The following SIAH1 variants were observed in gnomAD, a reference collection of about 807,000 sequenced individuals.
SIAH1 encodes siah E3 ubiquitin protein ligase 1.
In SIAH1, 2 loss-of-function variants were observed where a neutral mutation model predicts 20.0. The observed-to-expected ratio is 0.10, with a 90% CI of 0.04 to 0.31. The LOEUF is 0.31. Ranked by LOEUF, SIAH1 falls within the 10% of genes least tolerant of loss-of-function variation. The pLI is 1.00. For synonymous variants in SIAH1, 118 were observed against 125.3 expected (o/e 0.94, Z 0.39); for missense variants, 119 against 355.3 (o/e 0.33, Z 5.35).
chr16:48,370,615 G>C (rs750682197), intron 1 of SIAH1, among the ~76,000 whole-genome samples: 7 of 151,870 alleles, frequency 4.6e-5, no homozygotes, highest in Non-Finnish European at 7.4e-5. Context: ...TCAGGTTATC[G>C]AGACTACAGT....
chr16:48,372,948 G>T (rs933038812), intron 1 of SIAH1, among the ~76,000 whole-genome samples: 1 of 152,038 alleles, frequency 6.6e-6, no homozygotes, highest in Non-Finnish European at 1.5e-5. Context: ...AGAGTTGACG[G>T]ATCACTGGGC....
rs1286350538 is a variant in SIAH1, at chr16:48,360,988, TAAAC to T, written c.*588_*591del. 3 of 152,018 alleles carry T rather than the reference TAAAC, an allele frequency of 2.0e-5. No homozygotes were observed. The highest frequency in any genetic ancestry group is 2.9e-5 in the Non-Finnish European group (2 of 67,984). 9.4% of individuals were successfully genotyped at this position (152,018 alleles called of 1,614,324 possible). A position where few individuals can be genotyped will look rare whatever the true frequency, so the allele number is the denominator to read the frequency against. On this transcript the variant is annotated 3_prime_UTR_variant, in exon 2 of 2. Transcript: ENST00000394725. ...TGAACACGTTATAAATTTTTTACCA[TAAAC>T]AAATATGCATATCAAAAGATACTAA...
intron 1 of SIAH1, among the ~76,000 whole-genome samples, chr16:48,378,986 T>C (rs1961183796): frequency 6.6e-6 from 1 of 152,222 alleles, no homozygotes; most frequent in Non-Finnish European, 1.5e-5. Flanking sequence ...TTTCTTTCTT[T>C]CCTCACTAGA....
At chr16:48,363,897 A>G (rs1312991686) in intron 1 of SIAH1, 1 of 163,138 alleles carries the variant, frequency 6.1e-6, no homozygotes, top group East Asian at 2.0e-4. Flanking sequence ...AGATCAGTCA[A>G]TGTCCTAAGA....
intron 1 of SIAH1, chr16:48,365,275 C>A: frequency 1.8e-6 from 2 of 1,094,098 alleles, no homozygotes; most frequent in Non-Finnish European, 2.6e-6. Flanking sequence ...TGACTGAGAA[C>A]CTCGGAAACG....
At position 48,377,118 on chromosome 16, in the gene SIAH1, A is replaced by G. The variant is rs567869480; in HGVS notation, c.-3+8086T>C. 3.3e-5 allele frequency among the ~76,000 whole-genome samples: 5 copies of G among 152,344 alleles called. No individual in the cohort carries two copies. The East Asian group carries it at 9.6e-4, about 29-fold the overall frequency. ...TTCTACAAAATTCAAGACTGGCATT[A>G]AACTCCTTAAGAAAATATTTCTCAC... On this transcript the variant is annotated intron_variant, in intron 1 of 1. Coordinates refer to ENST00000394725, the MANE Select transcript of SIAH1 (RefSeq NM_003031.4).
At position 48,361,667 on chromosome 16, in the gene SIAH1, G is replaced by A. The variant is rs1334700264; in HGVS notation, c.762C>T (p.Ser254=). 1.2e-6 allele frequency: 2 copies of A among 1,613,146 alleles called. No homozygotes were observed. Among genetic ancestry groups the A allele is most frequent in the Admixed American group, 1.7e-5 (1 of 60,012 alleles). ...HEGIATAIMN[S]DCLVFDTSIA... ...TGCTGGTGTCAAAGACTAGACAGTC[G>A]CTATTCATAATGGCTGTTGCAATTC... is the stretch of plus-strand genomic sequence containing the variant. Residue 254 remains serine, a synonymous_variant, in exon 2 of 2, where the codon AGC becomes AGT. Coordinates refer to ENST00000394725, the MANE Select transcript of SIAH1 (RefSeq NM_003031.4).
At chr16:48,384,501 T>C (rs1417439399) in intron 1 of SIAH1, among the ~76,000 whole-genome samples, 1 of 152,296 alleles carries the variant, frequency 6.6e-6, no homozygotes, top group East Asian at 1.9e-4. Context: ...AGGTTTATAA[T>C]AAGCTAGAGC....
At chr16:48,369,260 T>C (rs374018632) in intron 1 of SIAH1, among the ~76,000 whole-genome samples, 6 of 152,228 alleles carry the variant, frequency 3.9e-5, no homozygotes, top group African/African-American at 1.2e-4. Flanking sequence ...TCTGAAAACT[T>C]TGCAGCTACA....
In SIAH1 at chr16:48,375,915, T is replaced by C. The variant is rs534976493; in HGVS notation, c.-3+9289A>G. On this transcript the variant is annotated intron_variant, in intron 1 of 1. Coordinates refer to ENST00000394725, the MANE Select transcript of SIAH1 (RefSeq NM_003031.4). ...CCTGGAATTAGAAACCAGAGAGAGA[T>C]GGGACCACTGAACTACAGGCACACA... Among the ~76,000 whole-genome samples the C allele has an allele frequency of 1.4e-3, 219 of 152,270 alleles. 2 individuals carry two copies. Among genetic ancestry groups the C allele is most frequent in the African/African-American group, 5.1e-3 (210 of 41,542 alleles).
chr16:48,375,701 T>C (rs1156713540), intron 1 of SIAH1, among the ~76,000 whole-genome samples: 1 of 152,104 alleles, frequency 6.6e-6, no homozygotes, highest in East Asian at 1.9e-4. Flanking sequence ...ATATACAGAT[T>C]ACAATTTCAT....
intron 1 of SIAH1, among the ~76,000 whole-genome samples, chr16:48,383,166 T>C (rs892324472): frequency 2.0e-5 from 3 of 152,222 alleles, no homozygotes; most frequent in Admixed American, 6.5e-5. Flanking sequence ...ACATCTATTA[T>C]ACGTATTTCA....
At position 48,385,397 on chromosome 16, in the gene SIAH1, CCG is replaced by C. The variant is rs1961431899; in HGVS notation, c.-198_-197del. 1 of 152,840 alleles carries C rather than the reference CCG, an allele frequency of 6.5e-6. No homozygotes were observed. Among genetic ancestry groups the C allele is most frequent in the African/African-American group, 2.5e-5 (1 of 39,950 alleles). 9.5% of individuals were successfully genotyped at this position (152,840 alleles called of 1,614,324 possible). A position where few individuals can be genotyped will look rare whatever the true frequency, so the allele number is the denominator to read the frequency against. On this transcript the variant is annotated 5_prime_UTR_variant, in exon 1 of 2. Coordinates refer to ENST00000394725, the MANE Select transcript of SIAH1 (RefSeq NM_003031.4). ...TCCCCCCTGGCCGCCGCCGCCGCCG[CCG>C]TTTCGCGCGTCCTCGAGCCCGCCGC... is the stretch of plus-strand genomic sequence containing the variant.
intron 1 of SIAH1, among the ~76,000 whole-genome samples, chr16:48,373,886 C>A (rs985544226): frequency 9.2e-5 from 14 of 152,176 alleles, no homozygotes; most frequent in African/African-American, 3.4e-4. Flanking sequence ...ACTGCACTGA[C>A]TTCCTTGTTC....
At chr16:48,365,562 G>A in intron 1 of SIAH1, 2 of 1,533,306 alleles carry the variant, frequency 1.3e-6, no homozygotes, top group Non-Finnish European at 1.7e-6. Context: ...AAGCACAGAA[G>A]ACCCAAATTC....
rs1567367131 is a variant in SIAH1, at chr16:48,362,489, AAAT to A, written c.-2-62_-2-60del. 2.6e-6 allele frequency: 4 copies of A among 1,560,802 alleles called. No individual in the cohort carries two copies. Among genetic ancestry groups the A allele is most frequent in the Non-Finnish European group, 3.5e-6 (4 of 1,138,936 alleles). On this transcript the variant is annotated intron_variant, in intron 1 of 1. Transcript: ENST00000394725. This position sits in a 1 kb window ranked among gnomAD's most constrained non-coding sequence, Gnocchi z 4.2. The stretch of plus-strand genomic sequence containing the variant: ...TAATTATAACCATGACTTACTTTAT[AAAT>A]AATGTTTACATGCCATAAGTCCTTT...
At chr16:48,379,652 C>T (rs1961213217) in intron 1 of SIAH1, among the ~76,000 whole-genome samples, 1 of 152,174 alleles carries the variant, frequency 6.6e-6, no homozygotes, top group Non-Finnish European at 1.5e-5. Flanking sequence ...ATAGAGATTA[C>T]AGTCTATCTG....
At chr16:48,386,812 G>A (rs1405443428), upstream of SIAH1, among the ~76,000 whole-genome samples, 2 of 152,120 alleles carry the variant, frequency 1.3e-5, no homozygotes, top group South Asian at 2.1e-4. Context: ...CCTGGGCGAG[G>A]AGCAGCTCTG....
chr16:48,365,630 T>C (rs568422632), intron 1 of SIAH1: 2 of 1,432,640 alleles, frequency 1.4e-6, no homozygotes, highest in Admixed American at 5.6e-5. Context: ...GTTACAGAGG[T>C]GGAGAAAGGA....
Sources: gnomAD v4.1 joint callset for allele counts (sites outside exome capture counted in the v4.1 genomes callset) on GRCh38, gnomAD v4.1.1 for gene constraint, Gnocchi (gnomAD v3.1) non-coding constraint, MANE v1.5 for transcripts, NCBI Gene and HGNC (gene_info 2026-07-23, HGNC 2026-07-21) for gene names.